The following MAGI2 variants were observed in gnomAD, a reference collection of about 807,000 sequenced individuals.
The protein encoded by MAGI2 is membrane associated guanylate kinase, WW and PDZ domain containing 2.
In MAGI2, 35 loss-of-function variants were observed where a neutral mutation model predicts 133.3. The ratio of observed to expected loss-of-function variants is 0.26; its 90% CI spans 0.20 to 0.35. MAGI2 has a LOEUF of 0.35. MAGI2 is among the 10% of genes least tolerant of loss of function. MAGI2 has a pLI of 1.00. For synonymous variants in MAGI2, 729 were observed against 710.6 expected (o/e 1.03, Z -0.41); for missense variants, 1,636 against 1,863.4 (o/e 0.88, Z 2.25).
intron 1 of MAGI2, among the ~76,000 whole-genome samples, chr7:79,056,472 G>GA (rs1203157586): frequency 6.6e-6 from 1 of 151,998 alleles, no homozygotes; most frequent in Non-Finnish European, 1.5e-5. Context: ...TGGTCATAAT[G>GA]AAAAAAAGAC....
intron 2 of MAGI2, among the ~76,000 whole-genome samples, chr7:78,891,044 A>G (rs1382986734): frequency 6.6e-6 from 1 of 152,172 alleles, no homozygotes; most frequent in Non-Finnish European, 1.5e-5. Flanking sequence ...GATAAAGGGG[A>G]TATCACCACC....
chr7:78,463,931 G>A (rs766359684), intron 6 of MAGI2, among the ~76,000 whole-genome samples: 5 of 152,068 alleles, frequency 3.3e-5, no homozygotes, highest in Non-Finnish European at 7.4e-5. Flanking sequence ...AGGGCAGGCA[G>A]GCAGGTAGCA....
At chr7:78,832,568 A>G (rs777693952) in intron 2 of MAGI2, among the ~76,000 whole-genome samples, 23 of 152,186 alleles carry the variant, frequency 1.5e-4, no homozygotes, top group Non-Finnish European at 2.8e-4. Context: ...AATCTGGCCC[A>G]TATGAATGCC....
chr7:78,151,048 C>CTTTATATTTATATTTATA (rs3840597), intron 16 of MAGI2, among the ~76,000 whole-genome samples: 3,715 of 137,746 alleles, frequency 0.027, 83 homozygotes, highest in Non-Finnish European at 0.037. Flanking sequence ...GAGTTTGATG[C>CTTTATATTTATATTTATA]TTTATATTTA....
intron 16 of MAGI2, among the ~76,000 whole-genome samples, chr7:78,140,870 G>T (rs186911137): frequency 6.6e-6 from 1 of 152,170 alleles, no homozygotes; most frequent in African/African-American, 2.4e-5. Flanking sequence ...CTCACTGTCT[G>T]GTTGGGGAGA....
intron 1 of MAGI2, among the ~76,000 whole-genome samples, chr7:79,068,877 G>A (rs1431711929): frequency 2.0e-5 from 3 of 152,078 alleles, no homozygotes; most frequent in Non-Finnish European, 4.4e-5. Context: ...AGGTTGTACA[G>A]TTTCCATGTA....
At chr7:79,169,526 G>A (rs974706519) in intron 1 of MAGI2, among the ~76,000 whole-genome samples, 37 of 152,070 alleles carry the variant, frequency 2.4e-4, no homozygotes, top group African/African-American at 8.2e-4. Flanking sequence ...CACTGGCAGC[G>A]CAAAACCTTG....
intron 1 of MAGI2, among the ~76,000 whole-genome samples, chr7:79,243,331 T>C (rs548655344): frequency 6.6e-6 from 1 of 152,312 alleles, no homozygotes; most frequent in South Asian, 2.1e-4. Context: ...GGATTTCTTA[T>C]CTAATTTTAC....
chr7:79,242,547 T>G (rs921084061), intron 1 of MAGI2, among the ~76,000 whole-genome samples: 2 of 152,212 alleles, frequency 1.3e-5, no homozygotes, highest in Non-Finnish European at 2.9e-5. Context: ...TTAGTATGCT[T>G]TATTTGTGGA....
intron 1 of MAGI2, among the ~76,000 whole-genome samples, chr7:79,177,458 CT>C: frequency 6.6e-6 from 1 of 151,978 alleles, no homozygotes; most frequent in South Asian, 2.1e-4. Context: ...GCTACAAGTT[CT>C]ATTTTCACAT....
At chr7:79,037,327 A>C (rs74388387) in intron 1 of MAGI2, among the ~76,000 whole-genome samples, 2,914 of 152,264 alleles carry the variant, frequency 0.019, 151 homozygotes, top group East Asian at 0.19. Context: ...ACTTCTGGTC[A>C]TAAAACCCCT....
chr7:78,819,038 A>G (rs1181945834), intron 2 of MAGI2, among the ~76,000 whole-genome samples: 2 of 152,132 alleles, frequency 1.3e-5, no homozygotes, highest in African/African-American at 4.8e-5. Context: ...CAGTTTTTCT[A>G]TATATTTGAA....
intron 9 of MAGI2, among the ~76,000 whole-genome samples, chr7:78,306,001 A>C (rs577007932): frequency 4.3e-4 from 66 of 152,332 alleles, no homozygotes; most frequent in African/African-American, 1.5e-3. Flanking sequence ...TCAAATTAGG[A>C]AGGAAAAAAT....
intron 1 of MAGI2, among the ~76,000 whole-genome samples, chr7:79,070,626 G>A (rs112402832): frequency 2.0e-5 from 3 of 151,660 alleles, no homozygotes; most frequent in African/African-American, 7.3e-5. Flanking sequence ...TGAATAGCTG[G>A]GACTACAGGC....
At chr7:78,164,452 G>A (rs1825419354) in intron 15 of MAGI2, among the ~76,000 whole-genome samples, 1 of 152,222 alleles carries the variant, frequency 6.6e-6, no homozygotes. Context: ...CCCTGAAAAT[G>A]TTAGGGGCTG....
At chr7:78,694,716 C>T (rs114218741) in intron 2 of MAGI2, among the ~76,000 whole-genome samples, 1,535 of 152,290 alleles carry the variant, frequency 0.01, 24 homozygotes, top group African/African-American at 0.035. Flanking sequence ...CATTTACTAA[C>T]TGTGCAACTT....
At chr7:79,040,378 T>C (rs1584764518) in intron 1 of MAGI2, among the ~76,000 whole-genome samples, 1 of 152,078 alleles carries the variant, frequency 6.6e-6, no homozygotes, top group South Asian at 2.1e-4. Flanking sequence ...CAGTTCTTTA[T>C]AGAAATAGGA....
chr7:78,092,242 C>T (rs1395640124), intron 20 of MAGI2, among the ~76,000 whole-genome samples: 3 of 152,178 alleles, frequency 2.0e-5, no homozygotes, highest in Non-Finnish European at 4.4e-5. Context: ...GTCAGCTCTT[C>T]AGAGAATCTG....
chr7:78,633,468 G>A (rs1809260580), intron 2 of MAGI2, among the ~76,000 whole-genome samples: 3 of 152,084 alleles, frequency 2.0e-5, no homozygotes, highest in African/African-American at 7.2e-5. Flanking sequence ...CACTTTGGGA[G>A]GCCGAGGCGG....
Sources: gnomAD v4.1 joint callset for allele counts (sites outside exome capture counted in the v4.1 genomes callset) on GRCh38, gnomAD v4.1.1 for gene constraint, MANE v1.5 for transcripts, NCBI Gene and HGNC (gene_info 2026-07-23, HGNC 2026-07-21) for gene names.